SLC22A9: variants seen among roughly 807,000 people sequenced by gnomAD.
SLC22A9 encodes the protein organic anion transporter 7.
In SLC22A9, 64 loss-of-function variants were observed where a neutral mutation model predicts 50.1. The ratio of observed to expected loss-of-function variants is 1.28; its 90% CI spans 1.04 to 1.57. The LOEUF (loss-of-function observed/expected upper bound fraction) is 1.57. Ranked by LOEUF, SLC22A9 falls within the 40% of genes most tolerant of loss-of-function variation. The pLI is 0.00. For missense variants in SLC22A9, 757 were observed against 676.1 expected, an observed-to-expected ratio of 1.12 and a Z score of -1.33; for synonymous variants, 261 against 242.5, an observed-to-expected ratio of 1.08 and a Z score of -0.71.
chr11:63,382,205 A>T lies in SLC22A9; in HGVS notation c.1001A>T (p.Lys334Ile), dbSNP rs746551281. 1.2e-6 allele frequency: 2 copies of T among 1,610,110 alleles called. No homozygotes were observed. The highest frequency in any genetic ancestry group is 1.1e-5 in the South Asian group (1 of 89,640). Residue 334 changes from lysine (K) to isoleucine (I), a missense_variant, in exon 6 of 10, where the codon AAA becomes ATA. Coordinates refer to ENST00000279178, the MANE Select transcript of SLC22A9 (RefSeq NM_080866.3). Reference sequence around the variant, plus strand: ...AAAGAACTGGAGGCAGCACAAAAAAAAAAACCTTCTCTGTGTGAAATGCTC... The same window carrying T: ...AAAGAACTGGAGGCAGCACAAAAAATAAAACCTTCTCTGTGTGAAATGCTC... Reference protein sequence around the residue: ...MKKELEAAQKKKPSLCEMLHM... With the variant: ...MKKELEAAQKIKPSLCEMLHM...
intron 6 of SLC22A9, among the ~76,000 whole-genome samples, chr11:63,385,918 T>C (rs2014657207): frequency 6.6e-6 from 1 of 152,144 alleles, no homozygotes; most frequent in Admixed American, 6.6e-5. Context: ...CAGAATGATA[T>C]TGTCTGTGGG....
intron 5 of SLC22A9, 115 bp downstream of exon 5, chr11:63,375,883 G>T: frequency 1.5e-6 from 2 of 1,314,666 alleles, no homozygotes; most frequent in Non-Finnish European, 1.0e-6. Context: ...GTATGGTTAT[G>T]GGCTGTATCA....
rs190562137 is a variant in SLC22A9, at chr11:63,397,225, A to G, written c.1074-9272A>G. On this transcript the variant is annotated intron_variant, in intron 6 of 9. Coordinates refer to ENST00000279178, the MANE Select transcript of SLC22A9 (RefSeq NM_080866.3). ...GTTCTCTTCCCTTACTTTCTCTGAA[A>G]CAAATGGGCATTTTGTCTCTATACT... 3.3e-5 allele frequency among the ~76,000 whole-genome samples: 5 copies of G among 152,320 alleles called. No homozygotes were observed. The East Asian group carries it at 9.6e-4, about 29-fold the overall frequency.
chr11:63,406,142 G>A (rs759341404), intron 6 of SLC22A9, among the ~76,000 whole-genome samples: 12 of 152,062 alleles, frequency 7.9e-5, no homozygotes, highest in Non-Finnish European at 1.2e-4. Flanking sequence ...TTTGTAGGTA[G>A]TATTATACTT....
chr11:63,394,768 G>C (rs1295093967), intron 6 of SLC22A9, among the ~76,000 whole-genome samples: 1 of 152,120 alleles, frequency 6.6e-6, no homozygotes. Flanking sequence ...CGCGTGTCTA[G>C]TTCTCTAGCA....
intron 6 of SLC22A9, among the ~76,000 whole-genome samples, chr11:63,395,840 C>T (rs2014845079): frequency 6.6e-6 from 1 of 152,056 alleles, no homozygotes; most frequent in Admixed American, 6.6e-5. Flanking sequence ...CAGGACTAGG[C>T]ATGTCTGAGC....
intron 6 of SLC22A9, among the ~76,000 whole-genome samples, chr11:63,386,390 T>C (rs1373001206): frequency 6.6e-6 from 1 of 150,442 alleles, no homozygotes; most frequent in Non-Finnish European, 1.5e-5. Context: ...AGCTCCCCTT[T>C]GTACCTCTGG....
chr11:63,405,702 G>A (rs1390466039), intron 6 of SLC22A9, among the ~76,000 whole-genome samples: 1 of 152,082 alleles, frequency 6.6e-6, no homozygotes, highest in Non-Finnish European at 1.5e-5. Flanking sequence ...CAGCTCCTGA[G>A]GTACTCACTG....
chr11:63,401,343 A>C (rs1057196169), intron 6 of SLC22A9, among the ~76,000 whole-genome samples: 19 of 152,092 alleles, frequency 1.2e-4, no homozygotes, highest in Admixed American at 1.2e-3. Context: ...AATTACCATA[A>C]CTATATTTCA....
At chr11:63,398,220 T>C (rs1259248764) in intron 6 of SLC22A9, among the ~76,000 whole-genome samples, 1 of 152,130 alleles carries the variant, frequency 6.6e-6, no homozygotes, top group Non-Finnish European at 1.5e-5. Flanking sequence ...AGGACCCTAT[T>C]CTACTGTGGC....
Position 63,382,162 on chromosome 11 carries a change from T to C in SLC22A9, c.958T>C (p.Leu320=). ...NARDTLTLEI[L]KSTMKKELEA... ...ATTGTTTCTGCTATTGTTGAAGATT[T>C]TGAAATCCACCATGAAAAAAGAACT... Residue 320 remains leucine, a synonymous_variant, in exon 6 of 10, where the codon TTG becomes CTG. Coordinates refer to ENST00000279178, the MANE Select transcript of SLC22A9 (RefSeq NM_080866.3). 1 of 1,604,744 alleles carries C rather than the reference T, an allele frequency of 6.2e-7. No homozygotes were observed. Among genetic ancestry groups the C allele is most frequent in the African/African-American group, 1.4e-5 (1 of 74,062 alleles).
At chr11:63,389,863 T>A (rs2014732506) in intron 6 of SLC22A9, among the ~76,000 whole-genome samples, 1 of 152,224 alleles carries the variant, frequency 6.6e-6, no homozygotes, top group African/African-American at 2.4e-5. Context: ...GACTTTTTAA[T>A]GATCACCATT....
At position 63,373,660 on chromosome 11, in the gene SLC22A9, G is replaced by C. The variant is rs142795840; in HGVS notation, c.523G>C (p.Val175Leu). 2.5e-6 allele frequency: 4 copies of C among 1,573,382 alleles called. No individual in the cohort carries two copies. The African/African-American group carries it at 5.5e-5, about 22-fold the overall frequency. The change falls in exon 3 of 10, where the codon GTG (valine) becomes CTG (leucine). Residue 175 changes from valine (V) to leucine (L), a missense_variant. Physicochemically the swap from Val to Leu is conservative, Grantham distance 32. Coordinates refer to ENST00000279178, the MANE Select transcript of SLC22A9 (RefSeq NM_080866.3). ...HLSDRFGRRF[V>L]LRWCYLQVAI... is the part of the protein sequence containing the mutation. ...GTTTCTCAGGTTTGGGAGAAGGTTCGTGCTCAGATGGTGTTACCTCCAGGT... is the reference window on the plus strand; with the variant it reads ...GTTTCTCAGGTTTGGGAGAAGGTTCCTGCTCAGATGGTGTTACCTCCAGGT...
intron 6 of SLC22A9, among the ~76,000 whole-genome samples, chr11:63,392,815 G>A (rs1267719448): frequency 6.6e-6 from 1 of 152,072 alleles, no homozygotes; most frequent in South Asian, 2.1e-4. Flanking sequence ...ACCAAATGTT[G>A]ATATTCTCAT....
intron 6 of SLC22A9, among the ~76,000 whole-genome samples, chr11:63,399,289 T>C (rs2014913766): frequency 6.6e-6 from 1 of 152,164 alleles, no homozygotes; most frequent in African/African-American, 2.4e-5. Context: ...GGCCCAACTC[T>C]AAGTTCCTAC....
At position 63,410,268 on chromosome 11, in the gene SLC22A9, G is replaced by GAAAGAAAGAAAGAAAAA. The variant is rs1565192097; in HGVS notation, c.*406_*407insAAAGAAAGAAAGAAAAA. 1 of 130,292 alleles carries GAAAGAAAGAAAGAAAAA rather than the reference G, an allele frequency of 7.7e-6. No homozygotes were observed. Among genetic ancestry groups the GAAAGAAAGAAAGAAAAA allele is most frequent in the African/African-American group, 3.2e-5 (1 of 31,284 alleles). 8.1% of individuals were successfully genotyped at this position (130,292 alleles called of 1,614,324 possible). On this transcript the variant is annotated 3_prime_UTR_variant, in exon 10 of 10. Coordinates refer to ENST00000279178, the MANE Select transcript of SLC22A9 (RefSeq NM_080866.3). ...AAAAAAAAAAAAAAAAAAGAAAGAA[G>GAAAGAAAGAAAGAAAAA]GAAAGAAAGAAAGAAAAGAAAAGAA...
chr11:63,373,876 A>T lies in SLC22A9; in HGVS notation c.662-18A>T. The T allele has an allele frequency of 1.2e-6, 2 of 1,611,540 alleles. No homozygotes were observed. Among genetic ancestry groups the T allele is most frequent in the South Asian group, 1.1e-5 (1 of 90,680 alleles). The stretch of plus-strand genomic sequence containing the variant: ...ACTCCACCTTTGAAGTCAAAGCCTT[A>T]TCTGTTTTTTCTTCCAGTAGCCGAG... On this transcript the variant is annotated intron_variant, in intron 3 of 9. Coordinates refer to ENST00000279178, the MANE Select transcript of SLC22A9 (RefSeq NM_080866.3).
intron 6 of SLC22A9, among the ~76,000 whole-genome samples, chr11:63,399,698 C>T (rs1214402563): frequency 6.6e-6 from 1 of 152,070 alleles, no homozygotes; most frequent in Non-Finnish European, 1.5e-5. Context: ...ATGAAATAGA[C>T]TTAATAAATT....
chr11:63,409,993 C>A lies in SLC22A9; in HGVS notation c.*131C>A. On this transcript the variant is annotated 3_prime_UTR_variant, in exon 10 of 10. Transcript: ENST00000279178. ...CGGTGGCTCACGCCTGTAATCCCAGCACCTTGGGAGGCTGAGGCGGGCAGA... is the reference window on the plus strand; with the variant it reads ...CGGTGGCTCACGCCTGTAATCCCAGAACCTTGGGAGGCTGAGGCGGGCAGA... The A allele has an allele frequency of 2.1e-6, 2 of 957,000 alleles. No homozygotes were observed. The highest frequency in any genetic ancestry group is 3.1e-6 in the Non-Finnish European group (2 of 637,444). 59.3% of individuals were successfully genotyped at this position (957,000 alleles called of 1,614,324 possible). A position where few individuals can be genotyped will look rare whatever the true frequency, so the allele number is the denominator to read the frequency against.
Sources: allele counts gnomAD v4.1 joint callset (sites outside exome capture counted in the v4.1 genomes callset), GRCh38; gene constraint gnomAD v4.1.1; transcripts MANE v1.5; gene names NCBI Gene and HGNC (gene_info 2026-07-23, HGNC 2026-07-21).